Variants in NACC2 observed in about 807,000 individuals in gnomAD.
The protein encoded by NACC2 is NACC family member 2, also known as nucleus accumbens-associated protein 2.
NACC2 carries 8 observed loss-of-function variants against 25.1 expected under a neutral mutation model. The ratio of observed to expected loss-of-function variants is 0.32; its 90% CI spans 0.19 to 0.57. NACC2 has a LOEUF of 0.57. Among genes scored for constraint, NACC2 ranks in the 20% least tolerant of loss-of-function variants. The probability of loss-of-function intolerance (pLI) is 0.89; values close to 1 mark genes in which losing one functional copy is unlikely to be tolerated. For synonymous variants in NACC2, 435 were observed against 294.7 expected (o/e 1.48, Z -4.88); for missense variants, 644 against 650.2 (o/e 0.99, Z 0.10).
At chr9:136,027,177 A>G (rs549174865) in intron 2 of NACC2, among the ~76,000 whole-genome samples, 1 of 152,368 alleles carries the variant, frequency 6.6e-6, no homozygotes, top group East Asian at 1.9e-4. Context: ...GTGAGCCGAG[A>G]TAGCGCCACT....
chr9:136,031,267 AGAGAT>A (rs1840467918), intron 2 of NACC2, among the ~76,000 whole-genome samples: 1 of 152,224 alleles, frequency 6.6e-6, no homozygotes, highest in Non-Finnish European at 1.5e-5. Flanking sequence ...GGGAAGGTAA[AGAGAT>A]GAGAACGTCG....
intron 1 of NACC2, among the ~76,000 whole-genome samples, chr9:136,088,505 T>C (rs1830402145): frequency 6.6e-6 from 1 of 151,776 alleles, no homozygotes; most frequent in African/African-American, 2.4e-5. Flanking sequence ...CGCATGGACA[T>C]GGCCCAGTCC....
At chr9:136,052,171 G>C (rs1365063906) in intron 1 of NACC2, among the ~76,000 whole-genome samples, 13 of 152,228 alleles carry the variant, frequency 8.5e-5, no homozygotes, top group Admixed American at 5.9e-4. Context: ...CCGGGTGCTG[G>C]TACGAGACAG....
chr9:136,042,549 AC>A (rs1478041627), intron 2 of NACC2, among the ~76,000 whole-genome samples: 1 of 152,096 alleles, frequency 6.6e-6, no homozygotes, highest in Non-Finnish European at 1.5e-5. Context: ...CCACTACCTG[AC>A]CCCTTCTGCA....
At chr9:136,065,795 A>C (rs1841071812) in intron 1 of NACC2, among the ~76,000 whole-genome samples, 2 of 149,458 alleles carry the variant, frequency 1.3e-5, no homozygotes, top group East Asian at 1.9e-4. Context: ...AGCCTGGGTG[A>C]CAGAGACCCT....
At chr9:136,072,267 A>G (rs575957211) in intron 1 of NACC2, among the ~76,000 whole-genome samples, 1 of 151,100 alleles carries the variant, frequency 6.6e-6, no homozygotes, top group African/African-American at 2.4e-5. Context: ...ACCCAAAGGC[A>G]GGGCATGGTG....
intron 1 of NACC2, among the ~76,000 whole-genome samples, chr9:136,091,635 C>G (rs755299048): frequency 6.6e-6 from 1 of 152,210 alleles, no homozygotes; most frequent in Non-Finnish European, 1.5e-5. Context: ...CTGCTGAGAC[C>G]CTATACAAGG....
chr9:136,079,246 G>A (rs1041358230), intron 1 of NACC2, among the ~76,000 whole-genome samples: 3 of 152,184 alleles, frequency 2.0e-5, no homozygotes, highest in Non-Finnish European at 4.4e-5. Context: ...TGAGCTGAGG[G>A]GGAGACCAGG....
In NACC2 at chr9:136,006,903, T is replaced by TTTA. The variant is rs1423950824; in HGVS notation, c.*4610_*4612dup. Reference sequence around the variant, plus strand: ...AACCTTCCTTTACAGCACAGGAAAATTTATTTTTTAACAGTCGTGAGTTAC... The same window carrying TTTA: ...AACCTTCCTTTACAGCACAGGAAAATTTATTATTTTTTAACAGTCGTGAGTTAC... On this transcript the variant is annotated 3_prime_UTR_variant, in exon 6 of 6. Transcript: ENST00000277554. The TTTA allele has an allele frequency of 6.6e-6, 1 of 152,180 alleles. No homozygotes were observed. The highest frequency in any genetic ancestry group is 1.9e-4 in the East Asian group (1 of 5,186). 9.4% of individuals were successfully genotyped at this position (152,180 alleles called of 1,614,324 possible).
intron 3 of NACC2, among the ~76,000 whole-genome samples, chr9:136,015,676 A>G (rs950271103): frequency 1.3e-5 from 2 of 152,328 alleles, no homozygotes; most frequent in African/African-American, 2.4e-5. Context: ...GAAAACCGGG[A>G]AGAAATCCCC....
chr9:136,033,526 T>C (rs1246260208), intron 2 of NACC2, among the ~76,000 whole-genome samples: 1 of 151,426 alleles, frequency 6.6e-6, no homozygotes, highest in Non-Finnish European at 1.5e-5. Flanking sequence ...GGCGGGTGCC[T>C]GTAATCCCAG....
chr9:136,049,339 G>T (rs1304277462), intron 2 of NACC2, among the ~76,000 whole-genome samples: 1 of 152,174 alleles, frequency 6.6e-6, no homozygotes, highest in African/African-American at 2.4e-5. Context: ...CTTCACAGAC[G>T]GGGAACGTGA....
At chr9:136,012,053 C>A (rs748736914) in intron 5 of NACC2, 29 bp from the exon 6 acceptor site, 4 of 1,487,764 alleles carry the variant, frequency 2.7e-6, no homozygotes, top group African/African-American at 1.4e-5. Flanking sequence ...GTGAGCTCAG[C>A]CACCTGCCTG....
At chr9:136,042,605 AC>A (rs1324716534) in intron 2 of NACC2, among the ~76,000 whole-genome samples, 1 of 152,016 alleles carries the variant, frequency 6.6e-6, no homozygotes, top group Non-Finnish European at 1.5e-5. Context: ...TCAGAGCAAA[AC>A]TGTTAAGACT....
At position 136,011,872 on chromosome 9, in the gene NACC2, T is replaced by G. The variant is rs981041104; in HGVS notation, c.1408A>C (p.Met470Leu). Residue 470 changes from methionine to leucine, a missense_variant, in exon 6 of 6, where the codon ATG becomes CTG. Met to Leu is a conservative substitution (Grantham distance 15). Transcript: ENST00000277554. The stretch of plus-strand genomic sequence containing the variant: ...GGCACGCTGGCGGCGGCGGAGCCCA[T>G]GACCGTGCGGTACATCTCCACGCCC... Reference protein sequence around the residue: ...PEGVEMYRTVMGSAAASVPLD... With the variant: ...PEGVEMYRTVLGSAAASVPLD... The G allele has an allele frequency of 1.4e-5, 22 of 1,568,258 alleles. No individual in the cohort carries two copies. Among genetic ancestry groups the G allele is most frequent in the Admixed American group, 1.9e-5 (1 of 53,912 alleles).
chr9:136,024,484 C>T (rs1840354652), intron 2 of NACC2, among the ~76,000 whole-genome samples: 1 of 73,056 alleles, frequency 1.4e-5, no homozygotes, highest in African/African-American at 5.3e-5. Context: ...CGTGTGAGGA[C>T]AGTGTGTGTG....
rs1274338863 is a variant in NACC2 at position 136,007,564 on chromosome 9, C to CACACAA, written c.*3951_*3952insTTGTGT. 1 of 152,216 alleles carries CACACAA rather than the reference C, an allele frequency of 6.6e-6. No individual in the cohort carries two copies. The highest frequency in any genetic ancestry group is 1.5e-5 in the Non-Finnish European group (1 of 68,060). 9.4% of individuals were successfully genotyped at this position (152,216 alleles called of 1,614,324 possible). A position where few individuals can be genotyped will look rare whatever the true frequency, so the allele number is the denominator to read the frequency against. ...ACACAGACACGCACACACACACAGA[C>CACACAA]ACGCGCACACGCACACTCTCACCCA... On this transcript the variant is annotated 3_prime_UTR_variant, in exon 6 of 6. Coordinates refer to ENST00000277554, the MANE Select transcript of NACC2 (RefSeq NM_144653.5).
At chr9:136,092,158 C>A (rs1203192669) in intron 1 of NACC2, among the ~76,000 whole-genome samples, 2 of 152,254 alleles carry the variant, frequency 1.3e-5, no homozygotes, top group African/African-American at 4.8e-5. Flanking sequence ...CAAGGCCCGA[C>A]TGCCCACCTC....
chr9:136,077,610 G>A (rs1406232184), intron 1 of NACC2, among the ~76,000 whole-genome samples: 1 of 152,062 alleles, frequency 6.6e-6, no homozygotes, highest in Non-Finnish European at 1.5e-5. Flanking sequence ...CACAGAGGAG[G>A]GAGGGGCAAG....
Sources: allele counts gnomAD v4.1 joint callset (sites outside exome capture counted in the v4.1 genomes callset), GRCh38; gene constraint gnomAD v4.1.1; transcripts MANE v1.5; gene names NCBI Gene and HGNC (gene_info 2026-07-23, HGNC 2026-07-21).